TLE4: variants seen among roughly 807,000 people sequenced by gnomAD.
The protein encoded by TLE4 is TLE family member 4, transcriptional corepressor.
Under a neutral mutation model 92.8 loss-of-function variants are expected in TLE4, and 8 were observed. The observed-to-expected ratio is 0.09, with a 90% CI of 0.05 to 0.16. TLE4 has a LOEUF of 0.16. TLE4 is among the 10% of genes least tolerant of loss of function. The pLI, the probability that TLE4 is intolerant of heterozygous loss-of-function variation, is 1.00. For synonymous variants in TLE4, 371 were observed against 374.1 expected (o/e 0.99, Z 0.10); for missense variants, 675 against 997.6 (o/e 0.68, Z 4.36).
intron 6 of TLE4, among the ~76,000 whole-genome samples, chr9:79,628,870 T>TTAAG (rs1391994820): frequency 8.4e-6 from 1 of 119,304 alleles, no homozygotes; most frequent in African/African-American, 3.2e-5. Context: ...AATTTTAAAG[T>TTAAG]TAAGTGTGTG....
In TLE4 at chr9:79,722,962, A is replaced by G. The variant is rs1588664803; in HGVS notation, c.2141A>G (p.Lys714Arg). 2 of 1,614,174 alleles carry G rather than the reference A, an allele frequency of 1.2e-6. No homozygotes were observed. ...VLSLKFAHCGKWFVSTGKDNL... is the reference protein window; with the variant it reads ...VLSLKFAHCGRWFVSTGKDNL... ...TTTCAAAACCCTTTACCTATAGGCA[A>G]ATGGTTTGTAAGCACTGGAAAGGAC... The change falls in exon 19 of 20, where the codon AAA (lysine) becomes AGA (arginine). Residue 714 changes from lysine to arginine, a missense_variant. Physicochemically the swap from Lys to Arg is conservative, Grantham distance 26. Around this residue, in one of 5 missense-constraint regions of TLE4, gnomAD observed 170 missense variants for 359.6 expected, o/e 0.47. Coordinates refer to ENST00000376552, the MANE Select transcript of TLE4 (RefSeq NM_007005.6).
chr9:79,692,559 A>G (rs1321259714), intron 8 of TLE4, among the ~76,000 whole-genome samples: 1 of 152,110 alleles, frequency 6.6e-6, no homozygotes, highest in East Asian at 1.9e-4. Flanking sequence ...TGTCATGACT[A>G]TCTTAGTTTG....
At position 79,572,197 on chromosome 9, in the gene TLE4, TGTG is replaced by T. The variant is rs1252414979; in HGVS notation, c.-591_-589del. The stretch of plus-strand genomic sequence containing the variant: ...AAGGAAGAGAAATAAGGAAATGAGA[TGTG>T]GTAAAAGAAGCTAAAAGGTGCCTTT... On this transcript the variant is annotated 5_prime_UTR_variant, in exon 1 of 20. It introduces an in-frame stop codon into an upstream open reading frame of the 5' UTR. Coordinates refer to ENST00000376552, the MANE Select transcript of TLE4 (RefSeq NM_007005.6). 6.7e-6 allele frequency: 1 copy of T among 149,800 alleles called. No individual in the cohort carries two copies. Among genetic ancestry groups the T allele is most frequent in the Non-Finnish European group, 1.5e-5 (1 of 67,332 alleles). 9.3% of individuals were successfully genotyped at this position (149,800 alleles called of 1,614,324 possible). A position where few individuals can be genotyped will look rare whatever the true frequency, so the allele number is the denominator to read the frequency against.
chr9:79,620,724 T>C (rs2050743250), intron 5 of TLE4, among the ~76,000 whole-genome samples: 1 of 152,178 alleles, frequency 6.6e-6, no homozygotes. Context: ...TGCATTGCTA[T>C]AAAGAAATAC....
At chr9:79,693,403 ATGT>A (rs1388932441) in intron 8 of TLE4, among the ~76,000 whole-genome samples, 1 of 152,092 alleles carries the variant, frequency 6.6e-6, no homozygotes, top group East Asian at 1.9e-4. Flanking sequence ...TGTTTTAGAA[ATGT>A]TGTCAGTGGC....
intron 4 of TLE4, among the ~76,000 whole-genome samples, chr9:79,592,151 T>C (rs989671410): frequency 6.9e-6 from 1 of 145,346 alleles, no homozygotes; most frequent in Non-Finnish European, 1.5e-5. Context: ...CTTTCTTCTT[T>C]CTTCTTCTTC....
In TLE4 at chr9:79,704,967, C is replaced by T. The variant is rs970363940; in HGVS notation, c.729+65C>T. 6.4e-5 allele frequency: 103 copies of T among 1,599,110 alleles called. No homozygotes were observed. In the African/African-American group the frequency reaches 1.2e-3, roughly 18 times the overall value. ...CCTTTTTATCTGCAGCCATTTTACCCTTTGACTATTACCAGCCAACACAGG... is the reference window on the plus strand; with the variant it reads ...CCTTTTTATCTGCAGCCATTTTACCTTTTGACTATTACCAGCCAACACAGG... On this transcript the variant is annotated intron_variant, in intron 9 of 19. Coordinates refer to ENST00000376552, the MANE Select transcript of TLE4 (RefSeq NM_007005.6).
chr9:79,588,764 T>C (rs545539516), intron 4 of TLE4, among the ~76,000 whole-genome samples: 24 of 152,298 alleles, frequency 1.6e-4, no homozygotes, highest in Admixed American at 1.4e-3. Context: ...AGTGCCTGCC[T>C]GGGGTGGAGG....
intron 5 of TLE4, among the ~76,000 whole-genome samples, chr9:79,619,360 C>A (rs1320906004): frequency 3.3e-5 from 5 of 151,960 alleles, no homozygotes; most frequent in African/African-American, 1.2e-4. Context: ...TTACTTGGAG[C>A]CACATTTTGC....
intron 8 of TLE4, among the ~76,000 whole-genome samples, chr9:79,671,009 A>G (rs1234780783): frequency 6.6e-6 from 1 of 152,126 alleles, no homozygotes; most frequent in East Asian, 1.9e-4. Flanking sequence ...GAAAGGAGCA[A>G]ACTAGAAGTG....
intron 4 of TLE4, among the ~76,000 whole-genome samples, chr9:79,606,183 A>ATTTTTTTTTTTTTT (rs2046807263): frequency 3.4e-5 from 1 of 29,450 alleles, no homozygotes. Context: ...AAGCAGTAGT[A>ATTTTTTTTTTTTTT]GTTGTTTTTT....
chr9:79,591,024 A>G (rs78374402), intron 4 of TLE4, among the ~76,000 whole-genome samples: 1 of 152,216 alleles, frequency 6.6e-6, no homozygotes, highest in Admixed American at 6.5e-5. Flanking sequence ...AAAGGCTCTT[A>G]TTCTTTCATC....
chr9:79,683,154 C>T (rs1352909387), intron 8 of TLE4, among the ~76,000 whole-genome samples: 1 of 152,172 alleles, frequency 6.6e-6, no homozygotes, highest in Non-Finnish European at 1.5e-5. Flanking sequence ...AAAAGATTTG[C>T]CGACCTTTGA....
intron 4 of TLE4, among the ~76,000 whole-genome samples, chr9:79,590,169 C>G (rs976370618): frequency 6.6e-6 from 1 of 152,060 alleles, no homozygotes; most frequent in African/African-American, 2.4e-5. Context: ...GTTAACCCCC[C>G]CAAAATATAG....
At chr9:79,668,728 G>C (rs2061793634) in intron 8 of TLE4, 3 of 616,070 alleles carry the variant, frequency 4.9e-6, no homozygotes, top group Non-Finnish European at 5.8e-6. Flanking sequence ...AACAGTATAT[G>C]CTAAAATAGT....
At chr9:79,587,457 A>C (rs2041413972) in intron 4 of TLE4, among the ~76,000 whole-genome samples, 1 of 152,208 alleles carries the variant, frequency 6.6e-6, no homozygotes. Context: ...AACTCTTAAC[A>C]TCATATGATG....
intron 8 of TLE4, among the ~76,000 whole-genome samples, chr9:79,704,379 C>G (rs2135876544): frequency 6.6e-6 from 1 of 152,184 alleles, no homozygotes; most frequent in East Asian, 1.9e-4. Context: ...TCCCAAAGTA[C>G]TGGGATTACA....
intron 8 of TLE4, among the ~76,000 whole-genome samples, chr9:79,702,276 T>C (rs948053690): frequency 6.6e-6 from 1 of 152,150 alleles, no homozygotes; most frequent in Non-Finnish European, 1.5e-5. Context: ...AAACTGTCCT[T>C]TTAAAAGAGG....
intron 4 of TLE4, among the ~76,000 whole-genome samples, chr9:79,591,024 A>C (rs78374402): frequency 0.021 from 3,146 of 152,332 alleles, 103 homozygotes; most frequent in African/African-American, 0.069. Flanking sequence ...AAAGGCTCTT[A>C]TTCTTTCATC....
Sources: gnomAD v4.1 joint callset for allele counts (sites outside exome capture counted in the v4.1 genomes callset) on GRCh38, gnomAD v4.1.1 for gene constraint, gnomAD v4.1.1 regional missense constraint, MANE v1.5 for transcripts, NCBI Gene and HGNC (gene_info 2026-07-23, HGNC 2026-07-21) for gene names.